The following MKNK2 variants were observed in gnomAD, a reference collection of about 807,000 sequenced individuals.
The protein encoded by MKNK2 is MAP kinase-interacting serine/threonine-protein kinase 2.
A neutral mutation model predicts 55.0 loss-of-function variants in MKNK2; 54 were observed. The ratio of observed to expected loss-of-function variants is 0.98; its 90% CI spans 0.79 to 1.23. The LOEUF is 1.23. MKNK2 is among the 50% of genes most tolerant of loss of function. The pLI is 0.00. For synonymous variants in MKNK2, 323 were observed against 256.0 expected (o/e 1.26, Z -2.50); for missense variants, 685 against 632.1 (o/e 1.08, Z -0.90).
intron 5 of MKNK2, 106 bp from the exon 6 acceptor site, chr19:2,043,688 C>T: frequency 2.0e-6 from 2 of 1,023,812 alleles, no homozygotes; most frequent in Non-Finnish European, 3.0e-6. Flanking sequence ...ACTTAACGCC[C>T]TGCAACTCTA....
Position 2,050,899 on chromosome 19 carries a change from G to A in MKNK2, c.-48C>T, listed in dbSNP as rs373122317. On this transcript the variant is annotated 5_prime_UTR_variant, in exon 2 of 14. Transcript: ENST00000250896. ...GGGGGAGGGGACCGAGGGCCCGGGG[G>A]GAGGCCCGAGGGCGGGCGGCCGGGC... 2.4e-4 allele frequency: 339 copies of A among 1,437,358 alleles called. 3 individuals carry two copies. The African/African-American group carries it at 3.9e-3, about 17-fold the overall frequency. 89.0% of individuals were successfully genotyped at this position (1,437,358 alleles called of 1,614,324 possible).
At chr19:2,047,591 G>C (rs1038952086) in intron 2 of MKNK2, among the ~76,000 whole-genome samples, 1 of 152,098 alleles carries the variant, frequency 6.6e-6, no homozygotes, top group African/African-American at 2.4e-5. Context: ...CAGTGGGAAG[G>C]AGGTGAGTCA....
At chr19:2,040,083 G>T in intron 13 of MKNK2, 51 bp downstream of exon 13, 1 of 1,545,444 alleles carries the variant, frequency 6.5e-7, no homozygotes, top group Admixed American at 1.9e-5. Context: ...TCTTAACCTG[G>T]AAACCCCGCC....
intron 13 of MKNK2, 50 bp from the exon 14 acceptor site, chr19:2,039,906 G>T: frequency 6.4e-7 from 1 of 1,552,998 alleles, no homozygotes; most frequent in Non-Finnish European, 8.7e-7. Context: ...CCCCTCAGGG[G>T]ACCCCTGGGG....
At chr19:2,042,221 C>T (rs1599380776) in intron 10 of MKNK2, 187 bp from the exon 11 acceptor site, 1 of 715,332 alleles carries the variant, frequency 1.4e-6, no homozygotes, top group Non-Finnish European at 2.2e-6. Flanking sequence ...TCCCCCGCCG[C>T]GGCCCCGCCC....
Position 2,043,110 on chromosome 19 carries a change from G to A in MKNK2, c.493+14C>T, listed in dbSNP as rs765184417. ...CAGCTCCCTCCCTCCTCACAGCCTG[G>A]AGCCCCCAGGTACCTCCCCGCATCT... On this transcript the variant is annotated intron_variant, in intron 7 of 13. Transcript: ENST00000250896. 5 of 1,608,942 alleles carry A rather than the reference G, an allele frequency of 3.1e-6. No homozygotes were observed. The highest frequency in any genetic ancestry group is 1.3e-5 in the African/African-American group (1 of 74,774).
chr19:2,042,983 C>A (rs2016925189), intron 7 of MKNK2, 113 bp from the exon 8 acceptor site: 1 of 1,340,882 alleles, frequency 7.5e-7, no homozygotes, highest in South Asian at 1.3e-5. Context: ...CTGGCTTCCT[C>A]CAGCACAAAG....
intron 2 of MKNK2, among the ~76,000 whole-genome samples, chr19:2,049,692 A>C (rs1342224904): frequency 1.3e-5 from 2 of 152,168 alleles, no homozygotes; most frequent in Non-Finnish European, 2.9e-5. Context: ...GCCTGGCCCT[A>C]GGAGGGAGAA....
At chr19:2,047,085 C>T (rs1191710384) in intron 2 of MKNK2, among the ~76,000 whole-genome samples, 1 of 152,220 alleles carries the variant, frequency 6.6e-6, no homozygotes, top group Non-Finnish European at 1.5e-5. Flanking sequence ...CAGGTGTGGG[C>T]CACATGTGGA....
chr19:2,047,432 A>G (rs974880577), intron 2 of MKNK2, among the ~76,000 whole-genome samples: 1 of 152,104 alleles, frequency 6.6e-6, no homozygotes. Flanking sequence ...GGGGACAGAC[A>G]CAAGCAGCTG....
In MKNK2 at chr19:2,042,799, C is replaced by T. The variant is rs780126999; in HGVS notation, c.565G>A (p.Val189Met). The change falls in exon 8 of 14, where the codon GTG becomes ATG. Residue 189 changes from valine to methionine, a missense_variant. By Grantham distance (21) the Val-to-Met change is conservative (BLOSUM62 1). Coordinates refer to ENST00000250896, the MANE Select transcript of MKNK2 (RefSeq NM_199054.3). ...ELEASVVVQD[V>M]ASALDFLHNK... ...TGCAGAAAGTCCAAGGCGCTGGCCA[C>T]GTCCTGCACCACCACGCTGGCCTCC... 40 of 1,581,078 alleles carry T rather than the reference C, an allele frequency of 2.5e-5. No homozygotes were observed. Among genetic ancestry groups the T allele is most frequent in the Non-Finnish European group, 3.3e-5 (38 of 1,162,774 alleles).
At chr19:2,050,167 A>C (rs376076305) in intron 2 of MKNK2, among the ~76,000 whole-genome samples, 6 of 152,030 alleles carry the variant, frequency 3.9e-5, no homozygotes, top group African/African-American at 1.2e-4. Context: ...AACAGCAGTC[A>C]CCACCCGGGC....
At chr19:2,048,440 G>A (rs962887471) in intron 2 of MKNK2, among the ~76,000 whole-genome samples, 1 of 152,208 alleles carries the variant, frequency 6.6e-6, no homozygotes, top group African/African-American at 2.4e-5. Flanking sequence ...CCGAGGCCCG[G>A]TCAGGTTCCT....
rs371317607 is a variant in MKNK2, at chr19:2,041,944, G to A, written c.841C>T (p.Leu281=). 8 of 1,556,920 alleles carry A rather than the reference G, an allele frequency of 5.1e-6. No individual in the cohort carries two copies. The Admixed American group carries it at 5.8e-5, about 11-fold the overall frequency. ...IYDKRCDLWS[L]GVILYILLSG... is the part of the protein sequence containing the mutation. ...AGTAGGATATACAAGATGACGCCCA[G>A]GCTCCACAGGTCGCAGCGCTTGTCG... Residue 281 remains leucine, a synonymous_variant, in exon 11 of 14, where the codon CTG becomes TTG. Coordinates refer to ENST00000250896, the MANE Select transcript of MKNK2 (RefSeq NM_199054.3).
In MKNK2 at chr19:2,039,005, G is replaced by C. The variant is rs1252129836; in HGVS notation, c.*608C>G. ...TGGGGACAAGGCAGGCGCGGGTGAA[G>C]GGCTGGGGGATCCCATGGGGTGGGT... On this transcript the variant is annotated 3_prime_UTR_variant, in exon 14 of 14. Coordinates refer to ENST00000250896, the MANE Select transcript of MKNK2 (RefSeq NM_199054.3). 3 of 986,344 alleles carry C rather than the reference G, an allele frequency of 3.0e-6. No homozygotes were observed. The allele number at this position is 986,344 out of a possible 1,614,324, so 61.1% of individuals were successfully genotyped here. A position where few individuals can be genotyped will look rare whatever the true frequency, so the allele number is the denominator to read the frequency against.
Position 2,041,774 on chromosome 19 carries a change from G to T in MKNK2, c.945+66C>A, listed in dbSNP as rs75100034. 42 of 1,353,626 alleles carry T rather than the reference G, an allele frequency of 3.1e-5. No individual in the cohort carries two copies. The East Asian group carries it at 1.0e-3, about 33-fold the overall frequency. 83.9% of individuals were successfully genotyped at this position (1,353,626 alleles called of 1,614,324 possible). ...CGCAGGGCAGGTCCCCTGGGGTTAG[G>T]GGGTGTTCAGGGCAGGCCCGGGGGA... On this transcript the variant is annotated intron_variant, in intron 11 of 13. Transcript: ENST00000250896.
chr19:2,039,415 A>T lies in MKNK2; in HGVS notation c.*198T>A. On this transcript the variant is annotated 3_prime_UTR_variant, in exon 14 of 14. Coordinates refer to ENST00000250896, the MANE Select transcript of MKNK2 (RefSeq NM_199054.3). ...TTTTAACCATCCAAAGGAAAAAATA[A>T]CGGGGAGGGGTGGAAACAGGAAAAA... 1 of 1,403,724 alleles carries T rather than the reference A, an allele frequency of 7.1e-7. No homozygotes were observed. Among genetic ancestry groups the T allele is most frequent in the Non-Finnish European group, 9.2e-7 (1 of 1,081,836 alleles). The allele number at this position is 1,403,724 out of a possible 1,614,324, so 87.0% of individuals were successfully genotyped here. A position where few individuals can be genotyped will look rare whatever the true frequency, so the allele number is the denominator to read the frequency against.
chr19:2,041,197 A>T lies in MKNK2; in HGVS notation c.953T>A (p.Leu318Gln). The T allele has an allele frequency of 6.2e-7, 1 of 1,613,038 alleles. No individual in the cohort carries two copies. The highest frequency in any genetic ancestry group is 8.5e-7 in the Non-Finnish European group (1 of 1,179,298). Residue 318 changes from leucine (L) to glutamine (Q), a missense_variant, in exon 12 of 14, where the codon CTG (leucine) becomes CAG (glutamine). By Grantham distance (113) the Leu-to-Gln change is moderately radical. Coordinates refer to ENST00000250896, the MANE Select transcript of MKNK2 (RefSeq NM_199054.3). The stretch of plus-strand genomic sequence containing the variant: ...CTTGCCCTCCTGGATGCTCTCAAAC[A>T]GCATGTTCTGGGGACATAGAACACA... ...GEACPACQNM[L>Q]FESIQEGKYE... is the part of the protein sequence containing the mutation.
At chr19:2,049,014 C>T (rs1035717628) in intron 2 of MKNK2, among the ~76,000 whole-genome samples, 2 of 152,272 alleles carry the variant, frequency 1.3e-5, no homozygotes, top group African/African-American at 4.8e-5. Context: ...TGGGAGCTCA[C>T]GAGAGTGAAA....
Sources: gnomAD v4.1 joint callset for allele counts (sites outside exome capture counted in the v4.1 genomes callset) on GRCh38, gnomAD v4.1.1 for gene constraint, MANE v1.5 for transcripts, NCBI Gene and HGNC (gene_info 2026-07-23, HGNC 2026-07-21) for gene names.